RELL1: variants seen among roughly 807,000 people sequenced by gnomAD.
RELL1 encodes RELT-like protein 1.
Under a neutral mutation model 23.0 loss-of-function variants are expected in RELL1, and 10 were observed. The observed-to-expected ratio is 0.43, with a 90% CI of 0.27 to 0.74. The LOEUF (loss-of-function observed/expected upper bound fraction) is 0.74. RELL1 is among the 30% of genes least tolerant of loss of function. RELL1 has a pLI of 0.19. For missense variants in RELL1, 315 were observed against 364.4 expected (o/e 0.86, Z 1.10); for synonymous variants, 146 against 146.8 (o/e 0.99, Z 0.04).
intron 1 of RELL1, among the ~76,000 whole-genome samples, chr4:37,683,460 A>T (rs1722286829): frequency 6.6e-6 from 1 of 152,246 alleles, no homozygotes; most frequent in Admixed American, 6.5e-5. Context: ...CAATGAGTTT[A>T]AAAATGCCTA....
chr4:37,643,463 A>G (rs1185583628), intron 3 of RELL1, among the ~76,000 whole-genome samples: 2 of 152,238 alleles, frequency 1.3e-5, no homozygotes, highest in Non-Finnish European at 2.9e-5. Context: ...TTCATATATC[A>G]TGATTGCAAA....
Position 37,612,563 on chromosome 4 carries a change from G to A in RELL1, c.*783C>T, listed in dbSNP as rs1719439098. Among the ~76,000 whole-genome samples the A allele has an allele frequency of 6.6e-6, 1 of 151,466 alleles. No homozygotes were observed. Among genetic ancestry groups the A allele is most frequent in the Non-Finnish European group, 1.5e-5 (1 of 67,914 alleles). ...AGGCAGGAGAATCGCTTGAACCTGG[G>A]GAGGTGGAGATTGAGGTGAGTGGAG... On this transcript the variant is annotated 3_prime_UTR_variant, in exon 7 of 7. Transcript: ENST00000454158.
rs1337642942 is a variant in RELL1, at chr4:37,613,091, G to GTGGTT, written c.*250_*254dup. 6.6e-6 allele frequency: 1 copy of GTGGTT among 152,186 alleles called. No homozygotes were observed. Among genetic ancestry groups the GTGGTT allele is most frequent in the African/African-American group, 2.4e-5 (1 of 41,416 alleles). The allele number at this position is 152,186 out of a possible 1,614,324, so 9.4% of individuals were successfully genotyped here. A position where few individuals can be genotyped will look rare whatever the true frequency, so the allele number is the denominator to read the frequency against. ...GGGCTGGGAAGAGTAGAGGCTGGGA[G>GTGGTT]TGGTTAAGAAGATAAAAACAGCTCT... On this transcript the variant is annotated 3_prime_UTR_variant, in exon 7 of 7. Coordinates refer to ENST00000454158, the MANE Select transcript of RELL1 (RefSeq NM_001085400.2).
rs1431438417 is a variant in RELL1 at position 37,612,417 on chromosome 4, C to T, written c.*929G>A. Among the ~76,000 whole-genome samples the T allele has an allele frequency of 2.0e-5, 3 of 151,554 alleles. No homozygotes were observed. Among genetic ancestry groups the T allele is most frequent in the African/African-American group, 7.3e-5 (3 of 41,254 alleles). On this transcript the variant is annotated 3_prime_UTR_variant, in exon 7 of 7. Coordinates refer to ENST00000454158, the MANE Select transcript of RELL1 (RefSeq NM_001085400.2). Reference sequence around the variant, plus strand: ...TTGGGAGGCCGAGGCGGGTAGATCGCCTGAGGTCAGGAGTTCAAGACCAGC... The same window carrying T: ...TTGGGAGGCCGAGGCGGGTAGATCGTCTGAGGTCAGGAGTTCAAGACCAGC...
At position 37,635,068 on chromosome 4, in the gene RELL1, G is replaced by T; in HGVS notation, c.499C>A (p.Pro167Thr). 6.2e-7 allele frequency: 1 copy of T among 1,614,206 alleles called. No individual in the cohort carries two copies. Among genetic ancestry groups the T allele is most frequent in the Non-Finnish European group, 8.5e-7 (1 of 1,180,038 alleles). Reference protein sequence around the residue: ...SPPVSPGPLSPGGTPGKHVCG... With the variant: ...SPPVSPGPLSTGGTPGKHVCG... ...ACGTGCTTCCCTGGCGTCCCCCCTG[G>T]TGACAAAGGCCCAGGACTCACTGGC... The change falls in exon 5 of 7, where the codon CCA becomes ACA. Residue 167 changes from proline to threonine, a missense_variant. Coordinates refer to ENST00000454158, the MANE Select transcript of RELL1 (RefSeq NM_001085400.2).
At chr4:37,641,701 A>G (rs1324301192) in intron 3 of RELL1, among the ~76,000 whole-genome samples, 1 of 152,218 alleles carries the variant, frequency 6.6e-6, no homozygotes, top group East Asian at 1.9e-4. Flanking sequence ...GATAATATGC[A>G]TGAAACAGCC....
At chr4:37,618,385 A>G (rs1413666554) in intron 6 of RELL1, among the ~76,000 whole-genome samples, 3 of 151,610 alleles carry the variant, frequency 2.0e-5, no homozygotes, top group African/African-American at 7.3e-5. Context: ...CTACTCAGCT[A>G]ATTTTTTATT....
chr4:37,619,447 C>T (rs1379053098), intron 6 of RELL1, among the ~76,000 whole-genome samples: 2 of 152,324 alleles, frequency 1.3e-5, no homozygotes, highest in East Asian at 3.9e-4. Context: ...TCCCAAAGTG[C>T]TGGGATTACA....
chr4:37,645,240 C>G (rs1720671574), intron 3 of RELL1, among the ~76,000 whole-genome samples: 1 of 152,222 alleles, frequency 6.6e-6, no homozygotes, highest in Non-Finnish European at 1.5e-5. Flanking sequence ...CAAAGGCCTG[C>G]AAGCTCCCCA....
chr4:37,586,514 G>A (rs1232477001), downstream of RELL1, among the ~76,000 whole-genome samples: 1 of 152,214 alleles, frequency 6.6e-6, no homozygotes, highest in Admixed American at 6.5e-5. Context: ...CCCAGGAAGA[G>A]TTGGAAGGAC....
At chr4:37,641,881 G>A (rs1720542940) in intron 3 of RELL1, among the ~76,000 whole-genome samples, 1 of 152,126 alleles carries the variant, frequency 6.6e-6, no homozygotes, top group Non-Finnish European at 1.5e-5. Context: ...TTACGTGTTG[G>A]ACTTTTCTGA....
At chr4:37,653,413 GAAACCTC>G (rs764223583) in intron 1 of RELL1, among the ~76,000 whole-genome samples, 12 of 100,828 alleles carry the variant, frequency 1.2e-4, no homozygotes, top group East Asian at 4.8e-4. Flanking sequence ...TACAAGTATT[GAAACCTC>G]AATATTCAAT....
At chr4:37,673,634 G>A (rs1369761611) in intron 1 of RELL1, among the ~76,000 whole-genome samples, 1 of 152,050 alleles carries the variant, frequency 6.6e-6, no homozygotes, top group Non-Finnish European at 1.5e-5. Flanking sequence ...ACTTACAAAG[G>A]ACTGTATTAT....
At chr4:37,622,882 G>A in intron 6 of RELL1, 2 of 449,070 alleles carry the variant, frequency 4.5e-6, no homozygotes, top group Non-Finnish European at 8.9e-6. Context: ...TCGGCTCACG[G>A]CAACCTCTGC....
intron 6 of RELL1, among the ~76,000 whole-genome samples, chr4:37,615,917 C>T (rs913769324): frequency 6.6e-6 from 1 of 151,858 alleles, no homozygotes; most frequent in African/African-American, 2.4e-5. Flanking sequence ...CGGAAGCTGC[C>T]ATATGTCTCT....
At chr4:37,642,639 C>T (rs1282723011) in intron 3 of RELL1, among the ~76,000 whole-genome samples, 1 of 152,150 alleles carries the variant, frequency 6.6e-6, no homozygotes, top group Admixed American at 6.5e-5. Flanking sequence ...ACCTTTTGAT[C>T]ACACCTGGGT....
At chr4:37,676,884 C>T (rs1722039263) in intron 1 of RELL1, among the ~76,000 whole-genome samples, 1 of 152,118 alleles carries the variant, frequency 6.6e-6, no homozygotes, top group Non-Finnish European at 1.5e-5. Flanking sequence ...TATTCCGGGC[C>T]CTGTGCTTGG....
intron 6 of RELL1, among the ~76,000 whole-genome samples, chr4:37,601,658 C>T (rs1172456754): frequency 6.6e-6 from 1 of 152,214 alleles, no homozygotes; most frequent in African/African-American, 2.4e-5. Flanking sequence ...ATGGCCAGGC[C>T]TTCTGGCGAT....
chr4:37,589,529 T>A (rs146355186), downstream of RELL1, among the ~76,000 whole-genome samples: 7 of 152,354 alleles, frequency 4.6e-5, no homozygotes, highest in Admixed American at 3.9e-4. Context: ...ACATTTGTTT[T>A]ATTTGTTTTT....
Sources: allele counts gnomAD v4.1 joint callset (sites outside exome capture counted in the v4.1 genomes callset), GRCh38; gene constraint gnomAD v4.1.1; transcripts MANE v1.5; gene names NCBI Gene and HGNC (gene_info 2026-07-23, HGNC 2026-07-21).